Variants in PCSK5 observed in about 807,000 individuals in gnomAD.
The protein encoded by PCSK5 is prohormone convertase 5.
PCSK5 carries 129 observed loss-of-function variants against 233.2 expected under a neutral mutation model. The ratio of observed to expected loss-of-function variants is 0.55; its 90% CI spans 0.48 to 0.64. The LOEUF (loss-of-function observed/expected upper bound fraction) is 0.64, where lower values mean the gene tolerates loss of function less well. Ranked by LOEUF, PCSK5 falls within the 30% of genes least tolerant of loss-of-function variation. PCSK5 has a pLI of 0.00. For missense variants in PCSK5, 2,076 were observed against 2,430.1 expected, an observed-to-expected ratio of 0.85 and a Z score of 3.06; for synonymous variants, 825 against 879.2, an observed-to-expected ratio of 0.94 and a Z score of 1.09.
chr9:75,919,231 A>T, intron 1 of PCSK5, among the ~76,000 whole-genome samples: 1 of 152,046 alleles, frequency 6.6e-6, no homozygotes, highest in Non-Finnish European at 1.5e-5. Flanking sequence ...CAGCCCTCTG[A>T]GTTTTGCTTT....
chr9:75,919,402 G>C (rs1278496443), intron 1 of PCSK5, among the ~76,000 whole-genome samples: 1 of 152,200 alleles, frequency 6.6e-6, no homozygotes, highest in Non-Finnish European at 1.5e-5. Context: ...ATTGACTAAA[G>C]CTGCTCTAAC....
chr9:76,268,486 T>G (rs909151871), intron 24 of PCSK5, among the ~76,000 whole-genome samples: 4 of 152,198 alleles, frequency 2.6e-5, no homozygotes, highest in Non-Finnish European at 4.4e-5. Flanking sequence ...TATTTCCTCA[T>G]TACCTGGTGT....
At chr9:76,030,337 G>A (rs982838980) in intron 5 of PCSK5, among the ~76,000 whole-genome samples, 2 of 152,030 alleles carry the variant, frequency 1.3e-5, no homozygotes, top group Non-Finnish European at 2.9e-5. Flanking sequence ...AAGAGCACCT[G>A]TTAAAGTTTT....
At chr9:76,170,231 C>T (rs1051050531) in intron 13 of PCSK5, among the ~76,000 whole-genome samples, 2 of 152,194 alleles carry the variant, frequency 1.3e-5, no homozygotes, top group Non-Finnish European at 2.9e-5. Flanking sequence ...TTTTAGTTTT[C>T]CCTAAATTTA....
At chr9:75,932,803 T>C (rs1335892352) in intron 2 of PCSK5, among the ~76,000 whole-genome samples, 3 of 152,122 alleles carry the variant, frequency 2.0e-5, no homozygotes, top group African/African-American at 7.2e-5. Flanking sequence ...AACAATACCA[T>C]ACTGTCTACC....
chr9:75,909,318 T>C (rs1159675681), intron 1 of PCSK5, among the ~76,000 whole-genome samples: 1 of 149,770 alleles, frequency 6.7e-6, no homozygotes, highest in East Asian at 2.0e-4. Flanking sequence ...AGAGTGAGAC[T>C]CCATCTCAAA....
intron 2 of PCSK5, among the ~76,000 whole-genome samples, chr9:75,973,937 T>A (rs1436215160): frequency 1.3e-5 from 2 of 152,144 alleles, no homozygotes; most frequent in Non-Finnish European, 2.9e-5. Context: ...TCCGTGAACA[T>A]TGACACAACA....
At chr9:76,082,051 A>T (rs1011971817) in intron 7 of PCSK5, among the ~76,000 whole-genome samples, 1 of 152,010 alleles carries the variant, frequency 6.6e-6, no homozygotes, top group Admixed American at 6.5e-5. Flanking sequence ...TTTAAAACTC[A>T]TCATTGCTCC....
chr9:75,964,692 C>G (rs917170596), intron 2 of PCSK5, among the ~76,000 whole-genome samples: 2 of 152,192 alleles, frequency 1.3e-5, no homozygotes, highest in Admixed American at 6.5e-5. Flanking sequence ...TGACTAATAG[C>G]AGTAGAATTT....
chr9:76,322,267 C>T (rs903295193), intron 31 of PCSK5, among the ~76,000 whole-genome samples: 3 of 152,144 alleles, frequency 2.0e-5, no homozygotes, highest in African/African-American at 7.2e-5. Context: ...TCTTTTGGAA[C>T]ACAAAATCTT....
chr9:76,125,955 CTT>C (rs10606791), intron 9 of PCSK5, among the ~76,000 whole-genome samples: 71,302 of 151,820 alleles, frequency 0.47, 17,118 homozygotes, highest in Admixed American at 0.52. Flanking sequence ...GCCCAGTAGA[CTT>C]TATTAGTCAG....
intron 22 of PCSK5, among the ~76,000 whole-genome samples, chr9:76,235,745 G>A (rs969777662): frequency 6.6e-6 from 1 of 152,188 alleles, no homozygotes; most frequent in Admixed American, 6.5e-5. Context: ...GTAATGAGCA[G>A]AGAAGGCTTC....
intron 7 of PCSK5, among the ~76,000 whole-genome samples, chr9:76,080,609 G>A (rs1251466008): frequency 2.6e-5 from 4 of 152,002 alleles, no homozygotes; most frequent in Non-Finnish European, 5.9e-5. Flanking sequence ...GGTGTAGTAT[G>A]GTGGTTAAAG....
Position 76,360,453 on chromosome 9 carries a change from A to T in PCSK5, c.*1531A>T, listed in dbSNP as rs1014332280. 2.0e-5 allele frequency: 3 copies of T among 152,264 alleles called. No individual in the cohort carries two copies. The highest frequency in any genetic ancestry group is 4.4e-5 in the Non-Finnish European group (3 of 68,044). 9.4% of individuals were successfully genotyped at this position (152,264 alleles called of 1,614,324 possible). A position where few individuals can be genotyped will look rare whatever the true frequency, so the allele number is the denominator to read the frequency against. ...GTTCTTATAACTATGCTACTGAAAT[A>T]AGGTGGGAAAATAAGCATCCTAAAT... On this transcript the variant is annotated 3_prime_UTR_variant, in exon 38 of 38. Transcript: ENST00000674117.
chr9:76,298,218 A>G (rs906358213), intron 27 of PCSK5, among the ~76,000 whole-genome samples: 2 of 152,046 alleles, frequency 1.3e-5, no homozygotes, highest in African/African-American at 4.8e-5. Flanking sequence ...CGTCCCTTCA[A>G]CTGGACTACG....
chr9:76,237,153 G>T (rs13293615), intron 22 of PCSK5, among the ~76,000 whole-genome samples: 20,522 of 152,192 alleles, frequency 0.13, 1,499 homozygotes, highest in African/African-American at 0.18. Context: ...TAAAGTGGCT[G>T]AGAACATAAC....
intron 7 of PCSK5, among the ~76,000 whole-genome samples, chr9:76,092,701 A>G (rs1488904094): frequency 6.6e-6 from 1 of 152,234 alleles, no homozygotes; most frequent in Non-Finnish European, 1.5e-5. Flanking sequence ...TCATCTGTAA[A>G]ATGATGATAA....
At chr9:75,943,298 T>C (rs1374729629) in intron 2 of PCSK5, among the ~76,000 whole-genome samples, 3 of 152,192 alleles carry the variant, frequency 2.0e-5, no homozygotes, top group African/African-American at 7.2e-5. Context: ...TTTGAACCTA[T>C]AGTTTCTGTT....
Position 76,203,765 on chromosome 9 carries a change from A to G in PCSK5, c.2626+14019A>G, listed in dbSNP as rs1825004989. Among the ~76,000 whole-genome samples, 5 of 152,286 alleles carry G rather than the reference A, an allele frequency of 3.3e-5. 1 individual carries two copies. The South Asian group carries it at 1.0e-3, about 32-fold the overall frequency. On this transcript the variant is annotated intron_variant, in intron 20 of 37. Coordinates refer to ENST00000674117, the MANE Select transcript of PCSK5 (RefSeq NM_001372043.1). ...GATGGCAGCAGTGGAAACTAGCACA[A>G]TGAGAACACACCTGCTCAATCACAA...
Sources: gnomAD v4.1 joint callset for allele counts (sites outside exome capture counted in the v4.1 genomes callset) on GRCh38, gnomAD v4.1.1 for gene constraint, MANE v1.5 for transcripts, NCBI Gene and HGNC (gene_info 2026-07-23, HGNC 2026-07-21) for gene names.